DNAH1: variants seen among roughly 807,000 people sequenced by gnomAD.
The protein encoded by DNAH1 is dynein axonemal heavy chain 1, also known as axonemal beta dynein heavy chain 1.
A neutral mutation model predicts 484.3 loss-of-function variants in DNAH1; 327 were observed. The observed-to-expected ratio is 0.68, with a 90% CI of 0.62 to 0.74. The LOEUF is 0.74. Among genes scored for constraint, DNAH1 ranks in the 30% least tolerant of loss-of-function variants. DNAH1 has a pLI of 0.00. For synonymous variants in DNAH1, 2,192 were observed against 2,191.9 expected (o/e 1.00, Z 0.00); for missense variants, 5,052 against 5,546.8 (o/e 0.91, Z 2.83).
At chr3:52,400,228 G>T in intron 77 of DNAH1, 97 bp from the exon 78 acceptor site, 1 of 1,537,120 alleles carries the variant, frequency 6.5e-7, no homozygotes, top group Non-Finnish European at 8.8e-7. Context: ...CCCCCTCCCT[G>T]TCCTCAGCTT....
Position 52,326,841 on chromosome 3 carries a change from A to G in DNAH1, c.688A>G (p.Thr230Ala), listed in dbSNP as rs754955300. ...PRHLDHQHPQTIEQGHDPIFP... is the reference protein window; with the variant it reads ...PRHLDHQHPQAIEQGHDPIFP... ...GCACCTGGACCACCAGCACCCCCAA[A>G]CCATCGAACAGGGCCATGACCCAAT... Residue 230 changes from threonine (T) to alanine (A), a missense_variant, in exon 5 of 78, where the codon ACC becomes GCC. Transcript: ENST00000420323. 6.2e-7 allele frequency: 1 copy of G among 1,613,268 alleles called. No homozygotes were observed. The highest frequency in any genetic ancestry group is 1.1e-5 in the South Asian group (1 of 90,994).
In DNAH1 at chr3:52,345,422, CCTG is replaced by C. The variant is rs367860385; in HGVS notation, c.1445-72_1445-70del. The C allele has an allele frequency of 1.1e-5, 14 of 1,307,362 alleles. No individual in the cohort carries two copies. In the East Asian group the frequency reaches 1.3e-4, roughly 12 times the overall value. The allele number at this position is 1,307,362 out of a possible 1,614,324, so 81.0% of individuals were successfully genotyped here. On this transcript the variant is annotated intron_variant, in intron 9 of 77. Transcript: ENST00000420323. Reference sequence around the variant, plus strand: ...GGAGTCATGGCCCTCCTTCAAGCACCCTGTGGATCTGTCCTGTCCCCTGGTTTG... The same window carrying C: ...GGAGTCATGGCCCTCCTTCAAGCACCTGGATCTGTCCTGTCCCCTGGTTTG...
At position 52,352,480 on chromosome 3, in the gene DNAH1, G is replaced by C; in HGVS notation, c.2872-72G>C. The C allele has an allele frequency of 1.9e-6, 3 of 1,552,518 alleles. No homozygotes were observed. In the South Asian group the frequency reaches 3.6e-5, roughly 19 times the overall value. ...GACGTCCTGGGACCTCTGGTTCCCT[G>C]GGTTTGCATGGGAAGGCCTGGACAC... On this transcript the variant is annotated intron_variant, in intron 17 of 77. Transcript: ENST00000420323.
rs1357779846 is a variant in DNAH1 at position 52,375,433 on chromosome 3, A to G, written c.7159+20A>G. 6.2e-7 allele frequency: 1 copy of G among 1,606,590 alleles called. No homozygotes were observed. Among genetic ancestry groups the G allele is most frequent in the Non-Finnish European group, 8.5e-7 (1 of 1,177,098 alleles). On this transcript the variant is annotated intron_variant, in intron 45 of 77. Transcript: ENST00000420323. ...GGTTGGGTGAGTATTGGTGGGGGTG[A>G]GCATGGACAAAGGCAGAAGCCCAGG... is the stretch of plus-strand genomic sequence containing the variant.
chr3:52,365,118 C>T (rs1703020119), intron 34 of DNAH1, 99 bp downstream of exon 34: 3 of 1,443,496 alleles, frequency 2.1e-6, no homozygotes, highest in Admixed American at 4.6e-5. Flanking sequence ...CCCCAGGGGC[C>T]CTCACACCTG....
Position 52,375,293 on chromosome 3 carries a change from G to C in DNAH1, c.7039G>C (p.Gly2347Arg), listed in dbSNP as rs1703539787. 3.1e-6 allele frequency: 5 copies of C among 1,612,198 alleles called. No individual in the cohort carries two copies. In the East Asian group the frequency reaches 1.1e-4, roughly 36 times the overall value. Residue 2347 changes from glycine to arginine, a missense_variant, in exon 45 of 78, where the codon GGT (glycine) becomes CGT (arginine). Physicochemically the swap from Gly to Arg is moderately radical, Grantham distance 125. Coordinates refer to ENST00000420323, the MANE Select transcript of DNAH1 (RefSeq NM_015512.5). The stretch of plus-strand genomic sequence containing the variant: ...CTTTGTCTGTGCCATGGGCCCCCCG[G>C]GTGGAGGCAGGAACACCGTCACCCC... ...INFVCAMGPPGGGRNTVTPRL... is the reference protein window; with the variant it reads ...INFVCAMGPPRGGRNTVTPRL...
chr3:52,372,253 G>C lies in DNAH1; in HGVS notation c.6693G>C (p.Thr2231=). The change falls in exon 43 of 78, where the codon ACG becomes ACC. Residue 2231 remains threonine, a synonymous_variant. Coordinates refer to ENST00000420323, the MANE Select transcript of DNAH1 (RefSeq NM_015512.5). ...KPVLCIGPTG[T]GKTLTISDKL... is the part of the protein sequence containing the mutation. Reference sequence around the variant, plus strand: ...TGCTGTGCATTGGGCCAACAGGCACGGGGAAGACGCTCACCATCTCTGACA... The same window carrying C: ...TGCTGTGCATTGGGCCAACAGGCACCGGGAAGACGCTCACCATCTCTGACA... 6.2e-7 allele frequency: 1 copy of C among 1,613,894 alleles called. No homozygotes were observed. Among genetic ancestry groups the C allele is most frequent in the Non-Finnish European group, 8.5e-7 (1 of 1,179,864 alleles).
chr3:52,393,587 G>C (rs894081930), intron 66 of DNAH1, 102 bp downstream of exon 66: 1 of 1,515,130 alleles, frequency 6.6e-7, no homozygotes, highest in Non-Finnish European at 9.0e-7. Flanking sequence ...TGAAGGCACC[G>C]CGAGAGCAAA....
At position 52,322,698 on chromosome 3, in the gene DNAH1, GATA is replaced by G; in HGVS notation, c.258_260del (p.Asp86_Lys87delinsGlu). On this transcript the variant is annotated inframe_deletion, in exon 2 of 78. Transcript: ENST00000420323. The stretch of plus-strand genomic sequence containing the variant: ...ACGGAAGTCACCCCTGACAGGCACT[GATA>G]AGAAGTACCCGCTGATGAAGCAGCG... 6.2e-7 allele frequency: 1 copy of G among 1,613,802 alleles called. No homozygotes were observed.
intron 28 of DNAH1, 91 bp downstream of exon 28, chr3:52,360,515 G>A (rs1559528456): frequency 9.3e-7 from 1 of 1,076,844 alleles, no homozygotes; most frequent in South Asian, 1.4e-5. Context: ...CCACTCTGGG[G>A]TGATCTAGTC....
rs2153225633 is a variant in DNAH1 at position 52,393,043 on chromosome 3, G to C, written c.10474+18G>C. ...GAGAGCAGGTAGCACCGGCATGCCA[G>C]GCTCCTACCCTGCACAGATATGACC... is the stretch of plus-strand genomic sequence containing the variant. On this transcript the variant is annotated intron_variant, in intron 65 of 77. Coordinates refer to ENST00000420323, the MANE Select transcript of DNAH1 (RefSeq NM_015512.5). The C allele has an allele frequency of 6.2e-7, 1 of 1,611,390 alleles. No homozygotes were observed. The highest frequency in any genetic ancestry group is 8.5e-7 in the Non-Finnish European group (1 of 1,178,200).
At chr3:52,325,141 T>C (rs537201354) in intron 3 of DNAH1, among the ~76,000 whole-genome samples, 1 of 152,288 alleles carries the variant, frequency 6.6e-6, no homozygotes, top group Admixed American at 6.5e-5. Flanking sequence ...GTCCCTTGAC[T>C]ACTCAGCAGC....
chr3:52,331,268 A>G lies in DNAH1; in HGVS notation c.992A>G (p.Glu331Gly). 4 of 1,611,040 alleles carry G rather than the reference A, an allele frequency of 2.5e-6. No individual in the cohort carries two copies. Among genetic ancestry groups the G allele is most frequent in the Non-Finnish European group, 2.5e-6 (3 of 1,178,744 alleles). ...GACGAGAAAGGCCTGGTGCGAGATG[A>G]GATGGGGAGGCCCATCCTGAATGCA... is the stretch of plus-strand genomic sequence containing the variant. ...KTDEKGLVRD[E>G]MGRPILNAGV... is the part of the protein sequence containing the mutation. The change falls in exon 7 of 78, where the codon GAG (glutamate) becomes GGG (glycine). Residue 331 changes from glutamate to glycine, a missense_variant. This residue lies in a region of DNAH1 where 1,263 missense variants were observed against 1,218.8 expected (regional missense o/e 1.04). Coordinates refer to ENST00000420323, the MANE Select transcript of DNAH1 (RefSeq NM_015512.5).
At position 52,344,007 on chromosome 3, in the gene DNAH1, C is replaced by T. The variant is rs541456873; in HGVS notation, c.1287-483C>T. 1.1e-4 allele frequency among the ~76,000 whole-genome samples: 16 copies of T among 152,322 alleles called. No homozygotes were observed. In the East Asian group the frequency reaches 2.9e-3, roughly 28 times the overall value. ...AAAGTGAAGTGCAGGGGTCACCCAC[C>T]CTCAGGCCCAGTCATGGGCACATCC... is the stretch of plus-strand genomic sequence containing the variant. On this transcript the variant is annotated intron_variant, in intron 8 of 77. Transcript: ENST00000420323.
chr3:52,396,409 C>T lies in DNAH1; in HGVS notation c.11301C>T (p.Ser3767=). The change falls in exon 71 of 78, where the codon AGC becomes AGT. Residue 3767 remains serine, a synonymous_variant. Transcript: ENST00000420323. ...DFRLWLTSLP[S]NKFPVSILQN... ...GCCTCTGGCTCACCAGCCTGCCCAG[C>T]AACAAGTTCCCAGTGTCCATCCTGC... 1 of 1,589,622 alleles carries T rather than the reference C, an allele frequency of 6.3e-7. No individual in the cohort carries two copies. Among genetic ancestry groups the T allele is most frequent in the South Asian group, 1.1e-5 (1 of 87,202 alleles).
rs756765619 is a variant in DNAH1, at chr3:52,383,479, G to T, written c.8035G>T (p.Val2679Phe). The T allele has an allele frequency of 6.2e-7, 1 of 1,613,982 alleles. No homozygotes were observed. Among genetic ancestry groups the T allele is most frequent in the South Asian group, 1.1e-5 (1 of 91,072 alleles). Residue 2679 changes from valine to phenylalanine, a missense_variant, in exon 51 of 78, where the codon GTC becomes TTC. Val to Phe is a conservative substitution (Grantham distance 50, BLOSUM62 -1). Around this residue, in one of 4 missense-constraint regions of DNAH1, gnomAD observed 2,929 missense variants for 3,409.4 expected, o/e 0.86. Coordinates refer to ENST00000420323, the MANE Select transcript of DNAH1 (RefSeq NM_015512.5). ...LYTADEQDQIVSTMRPYIQEQ... is the reference protein window; with the variant it reads ...LYTADEQDQIFSTMRPYIQEQ... ...TACTGCGGACGAGCAGGACCAGATC[G>T]TCAGCACCATGCGGCCCTATATCCA... is the stretch of plus-strand genomic sequence containing the variant.
In DNAH1 at chr3:52,364,835, G is replaced by A. The variant is rs61729400; in HGVS notation, c.5334G>A (p.Glu1778=). 2.4e-4 allele frequency: 385 copies of A among 1,613,056 alleles called. 3 individuals are homozygous for A. In the African/African-American group the frequency reaches 4.3e-3, roughly 18 times the overall value. Reference sequence around the variant, plus strand: ...GGCTCAGCCGGCACCTGCTGCAGGAGCTGATCTGCCTCCGGGCCATCCGTG... The same window carrying A: ...GGCTCAGCCGGCACCTGCTGCAGGAACTGATCTGCCTCCGGGCCATCCGTG... ...LKRENPSMNE[E]LICLRAIRDV... Residue 1778 remains glutamate (E), a splice_region_variant and synonymous_variant, in exon 34 of 78, where the codon GAG becomes GAA. Coordinates refer to ENST00000420323, the MANE Select transcript of DNAH1 (RefSeq NM_015512.5). The surrounding 1 kb of genome is among the most constrained non-coding windows in gnomAD (Gnocchi z 4.2).
rs1190104048 is a variant in DNAH1, at chr3:52,355,927, G to T, written c.3694-687G>T. 6.6e-6 allele frequency among the ~76,000 whole-genome samples: 1 copy of T among 152,238 alleles called. No individual in the cohort carries two copies. The highest frequency in any genetic ancestry group is 1.5e-5 in the Non-Finnish European group (1 of 68,040). On this transcript the variant is annotated intron_variant, in intron 21 of 77. Coordinates refer to ENST00000420323, the MANE Select transcript of DNAH1 (RefSeq NM_015512.5). The surrounding 1 kb of genome is among the most constrained non-coding windows in gnomAD (Gnocchi z 4.5). Reference sequence around the variant, plus strand: ...GGCCCATGATTCAGGGGCAGAACTGGCCCCTTAGTGGGCTGTGGGCCCCTC... The same window carrying T: ...GGCCCATGATTCAGGGGCAGAACTGTCCCCTTAGTGGGCTGTGGGCCCCTC...
In DNAH1 at chr3:52,369,848, G is replaced by A. The variant is rs1703248549; in HGVS notation, c.5967G>A (p.Val1989=). 3.7e-6 allele frequency: 6 copies of A among 1,611,854 alleles called. No homozygotes were observed. The highest frequency in any genetic ancestry group is 2.7e-5 in the African/African-American group (2 of 74,906). The change falls in exon 38 of 78, where the codon GTG becomes GTA. Residue 1989 remains valine, a synonymous_variant. Coordinates refer to ENST00000420323, the MANE Select transcript of DNAH1 (RefSeq NM_015512.5). The part of the protein sequence containing the change: ...LTEAMTMMFE[V]QDLAVASPAT... ...AGGCAATGACCATGATGTTCGAGGT[G>A]CAAGACCTGGCGGTGGCTTCACCAG...
Sources: allele counts gnomAD v4.1 joint callset (sites outside exome capture counted in the v4.1 genomes callset), GRCh38; gene constraint gnomAD v4.1.1; regional missense constraint gnomAD v4.1.1; non-coding constraint Gnocchi (gnomAD v3.1); transcripts MANE v1.5; gene names NCBI Gene and HGNC (gene_info 2026-07-23, HGNC 2026-07-21).